The following SPECC1 variants were observed in gnomAD, a reference collection of about 807,000 sequenced individuals.
SPECC1 encodes the protein sperm antigen with calponin homology and coiled-coil domains 1.
Under a neutral mutation model 104.1 loss-of-function variants are expected in SPECC1, and 62 were observed. That is an observed-to-expected ratio of 0.60 (90% confidence interval 0.49 to 0.74). The LOEUF (loss-of-function observed/expected upper bound fraction) is 0.74. SPECC1 is among the 30% of genes least tolerant of loss of function. The pLI, the probability that SPECC1 is intolerant of heterozygous loss-of-function variation, is 0.00. For missense variants in SPECC1, 1,306 were observed against 1,310.5 expected (o/e 1.00, Z 0.05); for synonymous variants, 513 against 501.6 (o/e 1.02, Z -0.30).
At chr17:20,258,158 G>T (rs958392308) in intron 11 of SPECC1, among the ~76,000 whole-genome samples, 1 of 152,176 alleles carries the variant, frequency 6.6e-6, no homozygotes, top group Non-Finnish European at 1.5e-5. Flanking sequence ...CCAAGTTTGT[G>T]GGATTTTGTT....
intron 1 of SPECC1, among the ~76,000 whole-genome samples, chr17:20,061,702 A>AT (rs1441212086): frequency 6.6e-6 from 1 of 152,114 alleles, no homozygotes; most frequent in African/African-American, 2.4e-5. Flanking sequence ...AATCACATAA[A>AT]TTTTTTAATG....
intron 3 of SPECC1, among the ~76,000 whole-genome samples, chr17:20,195,099 A>G (rs866324634): frequency 1.6e-4 from 24 of 152,166 alleles, no homozygotes; most frequent in African/African-American, 5.5e-4. Context: ...CTTGATATTC[A>G]TGAACATTTC....
chr17:20,300,564 A>AT (rs548663293), intron 13 of SPECC1, among the ~76,000 whole-genome samples: 17 of 152,232 alleles, frequency 1.1e-4, no homozygotes, highest in South Asian at 2.1e-4. Flanking sequence ...TTGAATCAGC[A>AT]TGGCTGTATT....
chr17:20,238,619 T>C (rs2039049740), intron 7 of SPECC1: 1 of 1,042,136 alleles, frequency 9.6e-7, no homozygotes, highest in East Asian at 5.8e-5. Flanking sequence ...AGAAGAGACA[T>C]TGAGGTCTTC....
chr17:20,072,230 T>G (rs932753930), intron 1 of SPECC1, among the ~76,000 whole-genome samples: 2 of 152,212 alleles, frequency 1.3e-5, no homozygotes, highest in African/African-American at 4.8e-5. Context: ...TCAAAACCAT[T>G]CCTGATGACA....
At chr17:20,082,552 T>C (rs1278275249) in intron 1 of SPECC1, among the ~76,000 whole-genome samples, 1 of 152,134 alleles carries the variant, frequency 6.6e-6, no homozygotes, top group Non-Finnish European at 1.5e-5. Flanking sequence ...GGTATGATCA[T>C]GCCACTGCTC....
intron 7 of SPECC1, among the ~76,000 whole-genome samples, chr17:20,240,365 G>A (rs1015059792): frequency 1.3e-5 from 2 of 151,822 alleles, no homozygotes; most frequent in Non-Finnish European, 2.9e-5. Context: ...GGATACGGTT[G>A]TATCCCCTAT....
At chr17:20,062,202 G>A (rs1307974583) in intron 1 of SPECC1, among the ~76,000 whole-genome samples, 2 of 149,418 alleles carry the variant, frequency 1.3e-5, no homozygotes, top group South Asian at 2.1e-4. Context: ...GAGGTAAGCC[G>A]AGATCACGCC....
intron 1 of SPECC1, among the ~76,000 whole-genome samples, chr17:20,019,187 G>A (rs866286723): frequency 2.5e-4 from 38 of 151,754 alleles, no homozygotes; most frequent in East Asian, 1.9e-4. Context: ...GACTAGCCTG[G>A]CCAATACAGA....
chr17:20,060,566 T>C (rs558283443), intron 1 of SPECC1, among the ~76,000 whole-genome samples: 10 of 152,272 alleles, frequency 6.6e-5, no homozygotes, highest in African/African-American at 2.2e-4. Flanking sequence ...ATGAATCCAG[T>C]GTCTGATAAA....
chr17:20,088,434 G>A (rs1050674765), intron 1 of SPECC1, among the ~76,000 whole-genome samples: 6 of 152,160 alleles, frequency 3.9e-5, no homozygotes, highest in Admixed American at 3.9e-4. Flanking sequence ...CCGGGTGAGA[G>A]GCAGGGCTGG....
chr17:20,211,452 G>A (rs1296277272), intron 4 of SPECC1, among the ~76,000 whole-genome samples: 1 of 152,250 alleles, frequency 6.6e-6, no homozygotes, highest in Non-Finnish European at 1.5e-5. Flanking sequence ...GCACCAGTAA[G>A]CCTCTGCTCA....
At chr17:20,126,443 A>G (rs2049310024) in intron 3 of SPECC1, 1 of 152,170 alleles carries the variant, frequency 6.6e-6, no homozygotes, top group Non-Finnish European at 1.5e-5. Flanking sequence ...GAACCATGCT[A>G]ATCTTCTCTG....
intron 12 of SPECC1, among the ~76,000 whole-genome samples, chr17:20,289,183 A>G (rs2041070976): frequency 6.6e-6 from 1 of 152,038 alleles, no homozygotes; most frequent in Non-Finnish European, 1.5e-5. Context: ...AGACTTATTC[A>G]CTATCACGAG....
intron 12 of SPECC1, among the ~76,000 whole-genome samples, chr17:20,262,936 G>A (rs2040079434): frequency 6.6e-6 from 1 of 152,078 alleles, no homozygotes; most frequent in South Asian, 2.1e-4. Flanking sequence ...TTTGCGCCCA[G>A]GAGTTTGAGG....
intron 12 of SPECC1, among the ~76,000 whole-genome samples, chr17:20,289,922 C>CT (rs1168305355): frequency 1.3e-5 from 2 of 152,174 alleles, no homozygotes; most frequent in Non-Finnish European, 2.9e-5. Context: ...GGCAGGGAAA[C>CT]TTTTTAGAGA....
chr17:20,203,607 C>T lies in SPECC1; in HGVS notation c.284-726C>T, dbSNP rs899962690. ...ATGTCATTGTATCAGATCCATCTCT[C>T]AGTATTATCTGTATCTTCTGATTTC... On this transcript the variant is annotated intron_variant, in intron 3 of 14. Coordinates refer to ENST00000395527, the MANE Select transcript of SPECC1 (RefSeq NM_001243439.2). Among the ~76,000 whole-genome samples the T allele has an allele frequency of 5.3e-5, 8 of 152,334 alleles. No homozygotes were observed. In the East Asian group the frequency reaches 7.7e-4, roughly 15 times the overall value.
chr17:20,245,783 G>A, intron 7 of SPECC1, 143 bp from the exon 8 acceptor site: 1 of 952,214 alleles, frequency 1.1e-6, no homozygotes, highest in East Asian at 2.7e-5. Context: ...ATGCAAACTG[G>A]TAGAGAAAAC....
chr17:20,216,870 G>T (rs2037524184), intron 4 of SPECC1, among the ~76,000 whole-genome samples: 1 of 152,128 alleles, frequency 6.6e-6, no homozygotes, highest in Admixed American at 6.6e-5. Context: ...ACTCTAAGGA[G>T]CTGGCCAGTC....
Sources: allele counts gnomAD v4.1 joint callset (sites outside exome capture counted in the v4.1 genomes callset), GRCh38; gene constraint gnomAD v4.1.1; transcripts MANE v1.5; gene names NCBI Gene and HGNC (gene_info 2026-07-23, HGNC 2026-07-21).